The following ZSCAN1 variants were observed in gnomAD, a reference collection of about 807,000 sequenced individuals.
The protein encoded by ZSCAN1 is zinc finger and SCAN domain-containing protein 1.
In ZSCAN1, 23 loss-of-function variants were observed where a neutral mutation model predicts 23.8. That is an observed-to-expected ratio of 0.97 (90% confidence interval 0.70 to 1.37). The LOEUF (loss-of-function observed/expected upper bound fraction) is 1.37. Among genes scored for constraint, ZSCAN1 ranks in the 40% most tolerant of loss-of-function variants. ZSCAN1 has a pLI of 0.00. For synonymous variants in ZSCAN1, 236 were observed against 232.3 expected, an observed-to-expected ratio of 1.02 and a Z score of -0.15; for missense variants, 575 against 554.0, an observed-to-expected ratio of 1.04 and a Z score of -0.38.
rs370395921 is a variant in ZSCAN1 at position 58,038,153 on chromosome 19, G to T, written c.317G>T (p.Cys106Phe). ...TWVQSQGPRS[C>F]REAASLVEDL... The stretch of plus-strand genomic sequence containing the variant: ...GTGCAGTCACAGGGCCCCCGAAGCT[G>T]CAGGGAGGCCGCCAGCCTGGTGGAG... Residue 106 changes from cysteine to phenylalanine, a missense_variant, in exon 3 of 6, where the codon TGC (cysteine) becomes TTC (phenylalanine). Cys to Phe is a radical substitution (Grantham distance 205). Coordinates refer to ENST00000282326, the MANE Select transcript of ZSCAN1 (RefSeq NM_182572.4). 5.6e-6 allele frequency: 9 copies of T among 1,608,904 alleles called. No individual in the cohort carries two copies. In the African/African-American group the frequency reaches 6.7e-5, roughly 12 times the overall value.
In ZSCAN1 at chr19:58,046,838, C is replaced by T. The variant is rs57474518; in HGVS notation, c.466-5652C>T. On this transcript the variant is annotated intron_variant, in intron 4 of 5. Transcript: ENST00000282326. ...TGGTGAGGGCTGTGAGAGCGATTTGCGGTGATTCTTAGTGGCTCATCTAAT... is the reference window on the plus strand; with the variant it reads ...TGGTGAGGGCTGTGAGAGCGATTTGTGGTGATTCTTAGTGGCTCATCTAAT... The T allele has an allele frequency of 5.2e-3, 3,564 of 685,226 alleles. 99 individuals carry two copies. The African/African-American group carries it at 0.056, about 11-fold the overall frequency. The allele number at this position is 685,226 out of a possible 1,614,324, so 42.4% of individuals were successfully genotyped here.
chr19:58,051,526 C>T (rs1286665880), intron 4 of ZSCAN1, among the ~76,000 whole-genome samples: 1 of 149,252 alleles, frequency 6.7e-6, no homozygotes, highest in African/African-American at 2.4e-5. Flanking sequence ...CCAGTTTTGC[C>T]CAGCTATTGG....
Position 58,040,316 on chromosome 19 carries a change from C to T in ZSCAN1, c.371-134C>T. On this transcript the variant is annotated intron_variant, in intron 3 of 5. Transcript: ENST00000282326. This position sits in a 1 kb window ranked among gnomAD's most constrained non-coding sequence, Gnocchi z 5.8. ...CACATGGAGGGACAGAATGACAGCC[C>T]TGCAGCCACTCTTGCCTGCGCCTCA... 1 of 888,972 alleles carries T rather than the reference C, an allele frequency of 1.1e-6. No homozygotes were observed. The allele number at this position is 888,972 out of a possible 1,614,324, so 55.1% of individuals were successfully genotyped here.
intron 2 of ZSCAN1, among the ~76,000 whole-genome samples, chr19:58,037,150 A>G (rs1195367011): frequency 6.6e-6 from 1 of 152,152 alleles, no homozygotes; most frequent in Non-Finnish European, 1.5e-5. Context: ...TGGTGGTGTC[A>G]TCCATTATTA....
Position 58,054,342 on chromosome 19 carries a change from A to G in ZSCAN1, c.*291A>G, listed in dbSNP as rs1410826566. 1.2e-5 allele frequency: 4 copies of G among 328,234 alleles called. No individual in the cohort carries two copies. The highest frequency in any genetic ancestry group is 5.6e-6 in the Non-Finnish European group (1 of 180,028). 20.3% of individuals were successfully genotyped at this position (328,234 alleles called of 1,614,324 possible). ...TGAAGAGGAGTTTCATTCGCGTCCC[A>G]TCTTTCAGAAGCCTTGTCCAGGTCT... is the stretch of plus-strand genomic sequence containing the variant. On this transcript the variant is annotated 3_prime_UTR_variant, in exon 6 of 6. Coordinates refer to ENST00000282326, the MANE Select transcript of ZSCAN1 (RefSeq NM_182572.4). The surrounding 1 kb of genome is among the most constrained non-coding windows in gnomAD (Gnocchi z 4.2).
chr19:58,054,975 G>A (rs2073882353), downstream of ZSCAN1, among the ~76,000 whole-genome samples: 1 of 152,178 alleles, frequency 6.6e-6, no homozygotes, highest in Non-Finnish European at 1.5e-5. This position sits in a 1 kb window ranked among gnomAD's most constrained non-coding sequence, Gnocchi z 4.2. Context: ...GGAGCAGAGT[G>A]TGGGCAGGCG....
In ZSCAN1 at chr19:58,053,767, C is replaced by T. The variant is rs747943894; in HGVS notation, c.943C>T (p.Arg315Cys). The change falls in exon 6 of 6, where the codon CGC becomes TGC. Residue 315 changes from arginine (R) to cysteine (C), a missense_variant. Coordinates refer to ENST00000282326, the MANE Select transcript of ZSCAN1 (RefSeq NM_182572.4). This position sits in a 1 kb window ranked among gnomAD's most constrained non-coding sequence, Gnocchi z 5.8. The stretch of plus-strand genomic sequence containing the variant: ...CTTCATCGAGCACCAGAAGACCCAT[C>T]GCGAGGAAGGGCCCTTTCCGTGCCC... Reference protein sequence around the residue: ...THFIEHQKTHREEGPFPCPEC... With the variant: ...THFIEHQKTHCEEGPFPCPEC... 1.4e-5 allele frequency: 22 copies of T among 1,614,050 alleles called. No homozygotes were observed. Among genetic ancestry groups the T allele is most frequent in the Middle Eastern group, 1.6e-4 (1 of 6,062 alleles).
chr19:58,038,231 C>T (rs1245859139), intron 3 of ZSCAN1, 25 bp downstream of exon 3: 5 of 1,582,186 alleles, frequency 3.2e-6, no homozygotes, highest in East Asian at 4.6e-5. Context: ...CTTCCTGCCC[C>T]GGGCCGGGCC....
chr19:58,034,769 C>T (rs2073722393), intron 1 of ZSCAN1, among the ~76,000 whole-genome samples: 1 of 136,460 alleles, frequency 7.3e-6, no homozygotes, highest in Admixed American at 7.7e-5. Flanking sequence ...CTCCCCCCAA[C>T]CAGCCGTCCA....
chr19:58,045,432 A>G lies in ZSCAN1; in HGVS notation c.465+4888A>G. The G allele has an allele frequency of 2.7e-6, 3 of 1,098,278 alleles. No homozygotes were observed. In the East Asian group the frequency reaches 7.0e-5, roughly 26 times the overall value. The allele number at this position is 1,098,278 out of a possible 1,614,324, so 68.0% of individuals were successfully genotyped here. ...CGAGGCAGCCAAGGGCAGTGCCACCAAAGACTTCTCTGTGTTTTTCCAGAA... is the reference window on the plus strand; with the variant it reads ...CGAGGCAGCCAAGGGCAGTGCCACCGAAGACTTCTCTGTGTTTTTCCAGAA... On this transcript the variant is annotated intron_variant, in intron 4 of 5. Transcript: ENST00000282326. The surrounding 1 kb of genome is among the most constrained non-coding windows in gnomAD (Gnocchi z 4.3).
At chr19:58,035,742 G>C (rs1263549187) in intron 1 of ZSCAN1, among the ~76,000 whole-genome samples, 2 of 152,172 alleles carry the variant, frequency 1.3e-5, no homozygotes, top group Non-Finnish European at 2.9e-5. Flanking sequence ...TGGCTGGCTG[G>C]GCACAGTCCC....
intron 4 of ZSCAN1, chr19:58,046,102 G>C: frequency 1.5e-6 from 1 of 688,406 alleles, no homozygotes; most frequent in Admixed American, 2.3e-5. Context: ...GCCCCAGCCA[G>C]AAGTGCCTGA....
chr19:58,046,457 C>T (rs1208095908), intron 4 of ZSCAN1: 4 of 841,044 alleles, frequency 4.8e-6, no homozygotes, highest in African/African-American at 1.7e-5. Context: ...GACCAGTGGG[C>T]CAGCAAGCTG....
chr19:58,041,451 G>C (rs2073789052), intron 4 of ZSCAN1, among the ~76,000 whole-genome samples: 1 of 152,358 alleles, frequency 6.6e-6, no homozygotes, highest in East Asian at 1.9e-4. Context: ...CACAAACTGG[G>C]GGGACCCCTT....
Position 58,040,156 on chromosome 19 carries a change from G to A in ZSCAN1, c.371-294G>A, listed in dbSNP as rs2073776261. Among the ~76,000 whole-genome samples the A allele has an allele frequency of 6.6e-6, 1 of 152,202 alleles. No homozygotes were observed. The highest frequency in any genetic ancestry group is 6.5e-5 in the Admixed American group (1 of 15,288). On this transcript the variant is annotated intron_variant, in intron 3 of 5. Transcript: ENST00000282326. The surrounding 1 kb of genome is among the most constrained non-coding windows in gnomAD (Gnocchi z 5.8). ...GGGAGCAGAGGGCTCACAGTGCTCGGGCCTCCCTAGTTAGTCAGTGCTGCA... is the reference window on the plus strand; with the variant it reads ...GGGAGCAGAGGGCTCACAGTGCTCGAGCCTCCCTAGTTAGTCAGTGCTGCA...
intron 4 of ZSCAN1, among the ~76,000 whole-genome samples, chr19:58,043,194 T>C (rs1432662795): frequency 2.0e-5 from 3 of 152,256 alleles, no homozygotes; most frequent in Admixed American, 2.0e-4. Flanking sequence ...TGGGCACGAC[T>C]GGCGATCGCT....
chr19:58,046,344 TGAA>T, intron 4 of ZSCAN1: 1 of 924,076 alleles, frequency 1.1e-6, no homozygotes, highest in Admixed American at 1.7e-5. Flanking sequence ...CAAAGACTGG[TGAA>T]GAAAAATACA....
rs1333813805 is a variant in ZSCAN1 at position 58,038,001 on chromosome 19, G to A, written c.165G>A (p.Ala55=). The part of the protein sequence containing the change: ...QYHVASGPHL[A]LGQLWTLCRQ... ...ACGTGGCGAGCGGGCCGCACCTCGC[G>A]CTGGGCCAGCTCTGGACGCTGTGCC... The change falls in exon 3 of 6, where the codon GCG becomes GCA. Residue 55 remains alanine, a synonymous_variant. Transcript: ENST00000282326. 1.9e-6 allele frequency: 3 copies of A among 1,609,518 alleles called. No homozygotes were observed. Among genetic ancestry groups the A allele is most frequent in the Non-Finnish European group, 2.5e-6 (3 of 1,179,374 alleles).
Position 58,053,638 on chromosome 19 carries a change from A to T in ZSCAN1, c.814A>T (p.Thr272Ser), listed in dbSNP as rs752953160. 6.2e-7 allele frequency: 1 copy of T among 1,614,094 alleles called. No homozygotes were observed. The highest frequency in any genetic ancestry group is 8.5e-7 in the Non-Finnish European group (1 of 1,180,004). The change falls in exon 6 of 6, where the codon ACC (threonine) becomes TCC (serine). Residue 272 changes from threonine (T) to serine (S), a missense_variant. Thr to Ser is a moderately conservative substitution (Grantham distance 58, BLOSUM62 1). Coordinates refer to ENST00000282326, the MANE Select transcript of ZSCAN1 (RefSeq NM_182572.4). This position sits in a 1 kb window ranked among gnomAD's most constrained non-coding sequence, Gnocchi z 5.8. ...ATCCCTCAAGCACACCAAAGGTGGT[A>T]CCCAAGAGGCTGTTGCAGGCATCTC... ...QPSLKHTKGG[T>S]QEAVAGISVV...
Sources: gnomAD v4.1 joint callset for allele counts (sites outside exome capture counted in the v4.1 genomes callset) on GRCh38, gnomAD v4.1.1 for gene constraint, Gnocchi (gnomAD v3.1) non-coding constraint, MANE v1.5 for transcripts, NCBI Gene and HGNC (gene_info 2026-07-23, HGNC 2026-07-21) for gene names.